The following ZBTB7C variants were observed in gnomAD, a reference collection of about 807,000 sequenced individuals.
The protein encoded by ZBTB7C is zinc finger and BTB domain containing 7C, also known as zinc finger and BTB domain-containing protein 7C.
ZBTB7C carries 8 observed loss-of-function variants against 25.7 expected under a neutral mutation model. The ratio of observed to expected loss-of-function variants is 0.31; its 90% confidence interval spans 0.18 to 0.56. The LOEUF is 0.56. Ranked by LOEUF, ZBTB7C falls within the 20% of genes least tolerant of loss-of-function variation. The pLI, the probability that ZBTB7C is intolerant of heterozygous loss-of-function variation, is 0.91. For missense variants in ZBTB7C, 824 were observed against 855.2 expected (o/e 0.96, Z 0.46); for synonymous variants, 394 against 369.0 (o/e 1.07, Z -0.78).
chr18:48,273,052 C>T (rs116296585), intron 2 of ZBTB7C, among the ~76,000 whole-genome samples: 1,599 of 152,032 alleles, frequency 0.011, 26 homozygotes, highest in African/African-American at 0.035. Flanking sequence ...TTGGAGATGA[C>T]GAAAACATTC....
At chr18:48,123,369 G>A (rs1346264893) in intron 3 of ZBTB7C, among the ~76,000 whole-genome samples, 4 of 152,258 alleles carry the variant, frequency 2.6e-5, no homozygotes, top group African/African-American at 9.6e-5. Context: ...GCTCAGGACA[G>A]CCCCTTCAGG....
intron 3 of ZBTB7C, among the ~76,000 whole-genome samples, chr18:48,061,654 G>T (rs1036941782): frequency 6.6e-6 from 1 of 152,228 alleles, no homozygotes; most frequent in Admixed American, 6.5e-5. Context: ...ACCCAGGGTT[G>T]GGGTACAGCC....
intron 1 of ZBTB7C, among the ~76,000 whole-genome samples, chr18:48,358,075 A>G (rs1432920606): frequency 6.6e-6 from 1 of 152,168 alleles, no homozygotes; most frequent in Admixed American, 6.5e-5. Context: ...TAGGGACCGG[A>G]TGCAGTAGCT....
chr18:48,073,319 T>C (rs1050352662), intron 3 of ZBTB7C, among the ~76,000 whole-genome samples: 1 of 152,078 alleles, frequency 6.6e-6, no homozygotes, highest in African/African-American at 2.4e-5. Context: ...GGCTACTGGC[T>C]AGGCTCAGCA....
At chr18:48,180,136 C>CTTCCTTCCTTCCTTCCTTCCTTCA (rs2041871246) in intron 3 of ZBTB7C, among the ~76,000 whole-genome samples, 1 of 136,848 alleles carries the variant, frequency 7.3e-6, no homozygotes, top group South Asian at 2.5e-4. Context: ...TCCTTCCTTC[C>CTTCCTTCCTTCCTTCCTTCCTTCA]TTCCTTCCTT....
intron 1 of ZBTB7C, among the ~76,000 whole-genome samples, chr18:48,353,918 C>G (rs539716591): frequency 6.6e-6 from 1 of 152,172 alleles, no homozygotes; most frequent in African/African-American, 2.4e-5. Context: ...TCCATTGCAG[C>G]AGGGTGGGAA....
At chr18:48,047,139 G>C (rs2036506380) in intron 3 of ZBTB7C, among the ~76,000 whole-genome samples, 1 of 152,102 alleles carries the variant, frequency 6.6e-6, no homozygotes, top group African/African-American at 2.4e-5. Context: ...TTGTCTTTTT[G>C]GGAAGAAGTG....
intron 3 of ZBTB7C, among the ~76,000 whole-genome samples, chr18:48,082,063 G>A (rs144662803): frequency 1.6e-4 from 24 of 152,266 alleles, no homozygotes; most frequent in Middle Eastern, 3.4e-3. Context: ...GTTGGTCTAC[G>A]CATTAGAGGA....
At chr18:48,046,198 TC>T (rs1391197431) in intron 3 of ZBTB7C, among the ~76,000 whole-genome samples, 1 of 152,262 alleles carries the variant, frequency 6.6e-6, no homozygotes, top group Non-Finnish European at 1.5e-5. Context: ...TAGATAATAA[TC>T]CAGTGACATC....
chr18:48,115,789 C>G (rs562728047), intron 3 of ZBTB7C, among the ~76,000 whole-genome samples: 1 of 152,020 alleles, frequency 6.6e-6, no homozygotes, highest in Non-Finnish European at 1.5e-5. Flanking sequence ...GTTTTACTTT[C>G]TGGGGAACCA....
At chr18:48,231,663 G>A (rs1303841558) in intron 2 of ZBTB7C, among the ~76,000 whole-genome samples, 1 of 152,200 alleles carries the variant, frequency 6.6e-6, no homozygotes, top group African/African-American at 2.4e-5. Context: ...ACCGATGGTG[G>A]GGCTGAAAGA....
At chr18:48,106,387 C>A (rs1416888936) in intron 3 of ZBTB7C, among the ~76,000 whole-genome samples, 1 of 151,374 alleles carries the variant, frequency 6.6e-6, no homozygotes, top group Non-Finnish European at 1.5e-5. Context: ...CTGAAAGAAT[C>A]CAAGACATGT....
At chr18:48,336,497 G>A (rs1238772785) in intron 2 of ZBTB7C, among the ~76,000 whole-genome samples, 1 of 152,184 alleles carries the variant, frequency 6.6e-6, no homozygotes, top group Non-Finnish European at 1.5e-5. Flanking sequence ...ATAGAAGCTT[G>A]AAGCCTCCAG....
chr18:48,310,034 C>A (rs978889547), intron 2 of ZBTB7C, among the ~76,000 whole-genome samples: 1 of 152,090 alleles, frequency 6.6e-6, no homozygotes, highest in East Asian at 1.9e-4. Flanking sequence ...TCAAGACCAT[C>A]CTGGCTAACA....
chr18:48,317,344 A>C (rs555493389), intron 2 of ZBTB7C, among the ~76,000 whole-genome samples: 1 of 151,804 alleles, frequency 6.6e-6, no homozygotes, highest in Non-Finnish European at 1.5e-5. Context: ...GACAGACATC[A>C]CAGCCAAAGC....
chr18:48,224,672 C>T (rs1249307295), intron 2 of ZBTB7C, among the ~76,000 whole-genome samples: 2 of 152,224 alleles, frequency 1.3e-5, no homozygotes, highest in Non-Finnish European at 2.9e-5. Context: ...AACACTACCA[C>T]TTACTAGCCA....
intron 2 of ZBTB7C, among the ~76,000 whole-genome samples, chr18:48,235,064 T>G (rs7230881): frequency 0.33 from 50,310 of 152,086 alleles, 8,982 homozygotes; most frequent in African/African-American, 0.47. Flanking sequence ...TTCAATTTTT[T>G]TTTGTCTCTT....
intron 3 of ZBTB7C, among the ~76,000 whole-genome samples, chr18:48,143,216 C>T (rs918241540): frequency 3.3e-5 from 5 of 152,102 alleles, no homozygotes; most frequent in Admixed American, 1.3e-4. Context: ...AGGTGACTTG[C>T]CTGAGGTCAC....
At chr18:48,138,976 G>A (rs1438815657) in intron 3 of ZBTB7C, among the ~76,000 whole-genome samples, 1 of 152,182 alleles carries the variant, frequency 6.6e-6, no homozygotes, top group African/African-American at 2.4e-5. Context: ...CTCTTCTTGT[G>A]GGGCAGATAA....
Sources: allele counts gnomAD v4.1 joint callset (sites outside exome capture counted in the v4.1 genomes callset), GRCh38; gene constraint gnomAD v4.1.1; transcripts MANE v1.5; gene names NCBI Gene and HGNC (gene_info 2026-07-23, HGNC 2026-07-21).